The following DNAJC6 variants were observed in gnomAD, a reference collection of about 807,000 sequenced individuals.
The protein encoded by DNAJC6 is auxilin.
In DNAJC6, 34 loss-of-function variants were observed where a neutral mutation model predicts 110.0. That is an observed-to-expected ratio of 0.31 (90% CI 0.24 to 0.41). The LOEUF is 0.41. DNAJC6 is among the 10% of genes least tolerant of loss of function. DNAJC6 has a pLI of 1.00. For synonymous variants in DNAJC6, 406 were observed against 437.2 expected (o/e 0.93, Z 0.89); for missense variants, 1,031 against 1,207.8 (o/e 0.85, Z 2.17).
Position 65,414,424 on chromosome 1 carries a change from C to T in DNAJC6, c.*1399C>T, listed in dbSNP as rs981623641. 6.6e-6 allele frequency: 1 copy of T among 152,596 alleles called. No individual in the cohort carries two copies. Among genetic ancestry groups the T allele is most frequent in the Non-Finnish European group, 1.5e-5 (1 of 68,028 alleles). 9.5% of individuals were successfully genotyped at this position (152,596 alleles called of 1,614,324 possible). On this transcript the variant is annotated 3_prime_UTR_variant, in exon 19 of 19. Transcript: ENST00000371069. ...CAAAGCAGATGGGCAAAAAGATTTTCATGCTAATCTTCAAAGGTTCATGCT... is the reference window on the plus strand; with the variant it reads ...CAAAGCAGATGGGCAAAAAGATTTTTATGCTAATCTTCAAAGGTTCATGCT...
chr1:65,403,879 A>G (rs796371439), intron 15 of DNAJC6, among the ~76,000 whole-genome samples: 23 of 152,302 alleles, frequency 1.5e-4, no homozygotes, highest in African/African-American at 5.1e-4. Flanking sequence ...TCACCACTGT[A>G]TCTGCAGCCT....
At chr1:65,283,897 C>T (rs1006260370) in intron 1 of DNAJC6, among the ~76,000 whole-genome samples, 1 of 152,118 alleles carries the variant, frequency 6.6e-6, no homozygotes, top group Non-Finnish European at 1.5e-5. Flanking sequence ...TCCTACCAAA[C>T]AAATATGTTA....
chr1:65,334,522 A>G (rs1645317633), intron 1 of DNAJC6, among the ~76,000 whole-genome samples: 1 of 152,238 alleles, frequency 6.6e-6, no homozygotes, highest in Admixed American at 6.5e-5. Context: ...AGCAGTTCCC[A>G]GGTTATTCAA....
chr1:65,311,223 T>TTTTG (rs1362911547), intron 1 of DNAJC6, among the ~76,000 whole-genome samples: 6 of 132,376 alleles, frequency 4.5e-5, no homozygotes, highest in African/African-American at 1.7e-4. Flanking sequence ...CTGTTTTTTT[T>TTTTG]TTTTTTTTTT....
intron 1 of DNAJC6, among the ~76,000 whole-genome samples, chr1:65,289,812 G>GTTT (rs34346164): frequency 7.2e-6 from 1 of 138,070 alleles, no homozygotes. Context: ...TGTCATTGTT[G>GTTT]TTTTTTTTTT....
chr1:65,328,305 A>G (rs1375376964), intron 1 of DNAJC6, among the ~76,000 whole-genome samples: 3 of 152,214 alleles, frequency 2.0e-5, no homozygotes, highest in Admixed American at 6.5e-5. Flanking sequence ...TTATGTAACT[A>G]TGTTCTTTAT....
At chr1:65,393,082 T>A (rs1645944682) in intron 12 of DNAJC6, among the ~76,000 whole-genome samples, 2 of 152,184 alleles carry the variant, frequency 1.3e-5, no homozygotes, top group African/African-American at 4.8e-5. Context: ...AGTGGACGTT[T>A]GAGCTTCACA....
intron 9 of DNAJC6, among the ~76,000 whole-genome samples, chr1:65,388,642 C>T (rs1379460627): frequency 6.6e-6 from 1 of 152,144 alleles, no homozygotes; most frequent in Non-Finnish European, 1.5e-5. Context: ...TTCTAAAATT[C>T]TATGTGAGGG....
rs2101647926 is a variant in DNAJC6, at chr1:65,413,158, A to G, written c.*133A>G. 1.5e-6 allele frequency: 1 copy of G among 678,764 alleles called. No homozygotes were observed. The highest frequency in any genetic ancestry group is 2.5e-6 in the Non-Finnish European group (1 of 407,824). 42.0% of individuals were successfully genotyped at this position (678,764 alleles called of 1,614,324 possible). A position where few individuals can be genotyped will look rare whatever the true frequency, so the allele number is the denominator to read the frequency against. ...TACTAAACCGTTAAGTTACTCATGA[A>G]TTAATTTCTCATTGATAAGGAATGT... On this transcript the variant is annotated 3_prime_UTR_variant, in exon 19 of 19. Transcript: ENST00000371069.
At chr1:65,331,615 T>C (rs1645288949) in intron 1 of DNAJC6, among the ~76,000 whole-genome samples, 1 of 152,188 alleles carries the variant, frequency 6.6e-6, no homozygotes, top group Non-Finnish European at 1.5e-5. Context: ...GAGTTGCTCA[T>C]TAACACTTCA....
At chr1:65,401,920 T>C in intron 15 of DNAJC6, 40 bp downstream of exon 15, 1 of 1,609,978 alleles carries the variant, frequency 6.2e-7, no homozygotes. Context: ...AACATTTATT[T>C]ATAGCTATAA....
chr1:65,409,013 G>A (rs759341150), intron 17 of DNAJC6, among the ~76,000 whole-genome samples: 1 of 152,070 alleles, frequency 6.6e-6, no homozygotes, highest in Non-Finnish European at 1.5e-5. Flanking sequence ...TTGGTGTCTG[G>A]TGAGGGCCAT....
intron 5 of DNAJC6, among the ~76,000 whole-genome samples, chr1:65,380,391 A>C (rs766191356): frequency 2.6e-5 from 4 of 152,210 alleles, no homozygotes; most frequent in Admixed American, 6.5e-5. Context: ...ATGATTCCCA[A>C]CCCCCTGTCC....
chr1:65,323,284 CT>C (rs1483484476), intron 1 of DNAJC6, among the ~76,000 whole-genome samples: 2 of 152,294 alleles, frequency 1.3e-5, no homozygotes, highest in Non-Finnish European at 2.9e-5. Flanking sequence ...GAGGAGGGGC[CT>C]GGTGGGAGAT....
intron 1 of DNAJC6, among the ~76,000 whole-genome samples, chr1:65,316,381 C>T (rs775190433): frequency 1.3e-5 from 2 of 152,220 alleles, no homozygotes; most frequent in Admixed American, 6.5e-5. Context: ...ATTCCTTAAT[C>T]GCAGGCTGCA....
intron 1 of DNAJC6, among the ~76,000 whole-genome samples, chr1:65,364,417 A>G (rs967786645): frequency 6.6e-6 from 1 of 151,924 alleles, no homozygotes; most frequent in African/African-American, 2.4e-5. Context: ...TGTTCCTGGG[A>G]CTCAGTGAGG....
At chr1:65,381,898 A>C (rs1281609007) in intron 5 of DNAJC6, among the ~76,000 whole-genome samples, 1 of 152,218 alleles carries the variant, frequency 6.6e-6, no homozygotes, top group African/African-American at 2.4e-5. Flanking sequence ...ATAGTACGAG[A>C]GCCTCACAAT....
At chr1:65,345,702 C>G (rs755740590) in intron 1 of DNAJC6, 1 of 984,442 alleles carries the variant, frequency 1.0e-6, no homozygotes, top group Non-Finnish European at 1.2e-6. Context: ...AGGGTAGGAA[C>G]CAACCTCCTA....
At position 65,385,753 on chromosome 1, in the gene DNAJC6, A is replaced by G. The variant is rs761198172; in HGVS notation, c.842A>G (p.Tyr281Cys). 3 of 1,613,530 alleles carry G rather than the reference A, an allele frequency of 1.9e-6. No homozygotes were observed. Among genetic ancestry groups the G allele is most frequent in the Non-Finnish European group, 2.5e-6 (3 of 1,179,688 alleles). Residue 281 changes from tyrosine (Y) to cysteine (C), a missense_variant, in exon 7 of 19, where the codon TAC (tyrosine) becomes TGC (cysteine). Transcript: ENST00000371069. ...TGTGACCTACTGGCAGACAAGCCCT[A>G]CCGCCCTCACTTCAAGCCTCTCACA... The part of the protein sequence containing the change: ...YMCDLLADKP[Y>C]RPHFKPLTIK...
Sources: allele counts gnomAD v4.1 joint callset (sites outside exome capture counted in the v4.1 genomes callset), GRCh38; gene constraint gnomAD v4.1.1; transcripts MANE v1.5; gene names NCBI Gene and HGNC (gene_info 2026-07-23, HGNC 2026-07-21).